The following AGAP1 variants were observed in gnomAD, a reference collection of about 807,000 sequenced individuals.
AGAP1 encodes arf-GAP with GTPase, ANK repeat and PH domain-containing protein 1.
A neutral mutation model predicts 105.3 loss-of-function variants in AGAP1; 29 were observed. That is an observed-to-expected ratio of 0.28 (90% CI 0.21 to 0.38). The LOEUF is 0.38. AGAP1 is among the 10% of genes least tolerant of loss of function. AGAP1 has a pLI of 1.00. For missense variants in AGAP1, 998 were observed against 1,165.1 expected, an observed-to-expected ratio of 0.86 and a Z score of 2.09; for synonymous variants, 509 against 485.9, an observed-to-expected ratio of 1.05 and a Z score of -0.63.
At position 235,689,574 on chromosome 2, in the gene AGAP1, C is replaced by CAG. The variant is rs1273859041; in HGVS notation, c.164-19605_164-19604insAG. On this transcript the variant is annotated intron_variant, in intron 1 of 17. Coordinates refer to ENST00000304032, the MANE Select transcript of AGAP1 (RefSeq NM_001037131.3). This position sits in a 1 kb window ranked among gnomAD's most constrained non-coding sequence, Gnocchi z 4.2. The stretch of plus-strand genomic sequence containing the variant: ...GTCTTAAGTCTGTTTCTCAACTCCC[C>CAG]TCTTGTTTTCATTGTTTCAGGCAAA... Among the ~76,000 whole-genome samples, 389 of 152,334 alleles carry CAG rather than the reference C, an allele frequency of 2.6e-3. 5 individuals are homozygous for CAG. The highest frequency in any genetic ancestry group is 8.7e-3 in the African/African-American group (363 of 41,572).
chr2:235,977,028 G>C lies in AGAP1; in HGVS notation c.1645+8405G>C, dbSNP rs1444935710. Among the ~76,000 whole-genome samples, 6 of 152,292 alleles carry C rather than the reference G, an allele frequency of 3.9e-5. No individual in the cohort carries two copies. The East Asian group carries it at 1.2e-3, about 29-fold the overall frequency. On this transcript the variant is annotated intron_variant, in intron 13 of 17. Coordinates refer to ENST00000304032, the MANE Select transcript of AGAP1 (RefSeq NM_001037131.3). The surrounding 1 kb of genome is among the most constrained non-coding windows in gnomAD (Gnocchi z 5.2). ...GACTACTCACAAGGTCCCTTTCTAA[G>C]ATACAGAAATGTGACGGACCTCAAC... is the stretch of plus-strand genomic sequence containing the variant.
At chr2:235,548,283 T>C (rs1022664063) in intron 1 of AGAP1, among the ~76,000 whole-genome samples, 6 of 152,172 alleles carry the variant, frequency 3.9e-5, no homozygotes, top group Non-Finnish European at 8.8e-5. Context: ...TGCAGGCTGG[T>C]GCTGCTGAAT....
intron 13 of AGAP1, among the ~76,000 whole-genome samples, chr2:236,032,068 C>T (rs756311061): frequency 6.6e-6 from 1 of 152,194 alleles, no homozygotes; most frequent in Admixed American, 6.5e-5. Context: ...ATGCATTTGA[C>T]CATTTGAGTT....
chr2:235,719,584 T>A lies in AGAP1; in HGVS notation c.310+1940T>A, dbSNP rs1951280934. Reference sequence around the variant, plus strand: ...ATTTCATAGTATTGTGTATGGTTTTTAAAAATACATTATTTTTAAGAGTAG... The same window carrying A: ...ATTTCATAGTATTGTGTATGGTTTTAAAAAATACATTATTTTTAAGAGTAG... On this transcript the variant is annotated intron_variant, in intron 3 of 17. Transcript: ENST00000304032. The surrounding 1 kb of genome is among the most constrained non-coding windows in gnomAD (Gnocchi z 4.9). Among the ~76,000 whole-genome samples, 1 of 152,268 alleles carries A rather than the reference T, an allele frequency of 6.6e-6. No homozygotes were observed. The highest frequency in any genetic ancestry group is 2.1e-4 in the South Asian group (1 of 4,828).
At position 236,042,899 on chromosome 2, in the gene AGAP1, C is replaced by T. The variant is rs550976917; in HGVS notation, c.1891+2058C>T. 1.1e-4 allele frequency among the ~76,000 whole-genome samples: 16 copies of T among 152,322 alleles called. No individual in the cohort carries two copies. The East Asian group carries it at 1.2e-3, about 11-fold the overall frequency. ...CAGCCCGGTGCCAAACCCTCCCATG[C>T]GCTGTCTTTTCATTCTGCAACCCTA... On this transcript the variant is annotated intron_variant, in intron 15 of 17. Coordinates refer to ENST00000304032, the MANE Select transcript of AGAP1 (RefSeq NM_001037131.3). The surrounding 1 kb of genome is among the most constrained non-coding windows in gnomAD (Gnocchi z 5.6).
intron 16 of AGAP1, among the ~76,000 whole-genome samples, chr2:236,075,078 G>T (rs2058600868): frequency 6.6e-6 from 1 of 152,036 alleles, no homozygotes; most frequent in Non-Finnish European, 1.5e-5. Context: ...AGACACAAAA[G>T]ATCTATAAGT....
At chr2:235,761,907 C>G (rs1488333904) in intron 6 of AGAP1, among the ~76,000 whole-genome samples, 3 of 151,830 alleles carry the variant, frequency 2.0e-5, no homozygotes, top group South Asian at 2.1e-4. Flanking sequence ...GTCGGGAGTT[C>G]AAGACCAGCC....
rs182856283 is a variant in AGAP1 at position 235,994,951 on chromosome 2, C to T, written c.1645+26328C>T. Among the ~76,000 whole-genome samples, 894 of 148,964 alleles carry T rather than the reference C, an allele frequency of 6.0e-3. 8 individuals are homozygous for T. Among genetic ancestry groups the T allele is most frequent in the South Asian group, 0.014 (65 of 4,706 alleles). On this transcript the variant is annotated intron_variant, in intron 13 of 17. Coordinates refer to ENST00000304032, the MANE Select transcript of AGAP1 (RefSeq NM_001037131.3). This position sits in a 1 kb window ranked among gnomAD's most constrained non-coding sequence, Gnocchi z 4.4. ...GCGTGGTGGTAGGCGCCTGTAATCG[C>T]AGCTACTTGGGAGGCTGAGGCAAGA... is the stretch of plus-strand genomic sequence containing the variant.
rs909064000 is a variant in AGAP1, at chr2:236,002,192, G to A, written c.1645+33569G>A. 6.6e-6 allele frequency among the ~76,000 whole-genome samples: 1 copy of A among 152,186 alleles called. No homozygotes were observed. Among genetic ancestry groups the A allele is most frequent in the Non-Finnish European group, 1.5e-5 (1 of 68,042 alleles). ...ACTGAGTCATTCATTCAGCAGACTC[G>A]TTGAGAACATGTGTGGTAGGCACGT... On this transcript the variant is annotated intron_variant, in intron 13 of 17. Coordinates refer to ENST00000304032, the MANE Select transcript of AGAP1 (RefSeq NM_001037131.3). This position sits in a 1 kb window ranked among gnomAD's most constrained non-coding sequence, Gnocchi z 4.3.
At position 235,899,505 on chromosome 2, in the gene AGAP1, CTG is replaced by C. The variant is rs887392158; in HGVS notation, c.1156-9229_1156-9228del. Among the ~76,000 whole-genome samples the C allele has an allele frequency of 2.7e-4, 41 of 152,300 alleles. 1 individual carries two copies. Among genetic ancestry groups the C allele is most frequent in the African/African-American group, 8.9e-4 (37 of 41,564 alleles). Reference sequence around the variant, plus strand: ...TCCAGCCTGGGCAACAAGAGCGAAACTGTGTCTTAAAAATATATATATACTGT... The same window carrying C: ...TCCAGCCTGGGCAACAAGAGCGAAACTGTCTTAAAAATATATATATACTGT... On this transcript the variant is annotated intron_variant, in intron 10 of 17. Coordinates refer to ENST00000304032, the MANE Select transcript of AGAP1 (RefSeq NM_001037131.3).
At chr2:235,645,234 A>G (rs1003846446) in intron 1 of AGAP1, among the ~76,000 whole-genome samples, 2 of 152,208 alleles carry the variant, frequency 1.3e-5, no homozygotes, top group Non-Finnish European at 2.9e-5. Context: ...TCATTCTGCC[A>G]TATGACAAAC....
At position 235,578,211 on chromosome 2, in the gene AGAP1, A is replaced by G. The variant is rs1944801767; in HGVS notation, c.163+83362A>G. Among the ~76,000 whole-genome samples, 1 of 152,078 alleles carries G rather than the reference A, an allele frequency of 6.6e-6. No individual in the cohort carries two copies. The highest frequency in any genetic ancestry group is 6.5e-5 in the Admixed American group (1 of 15,276). The stretch of plus-strand genomic sequence containing the variant: ...GAGCCCCCCATGTCATGAAACTGCC[A>G]CTGTCAGAGCCAGCCTGAGCTCCAC... On this transcript the variant is annotated intron_variant, in intron 1 of 17. Coordinates refer to ENST00000304032, the MANE Select transcript of AGAP1 (RefSeq NM_001037131.3). This position sits in a 1 kb window ranked among gnomAD's most constrained non-coding sequence, Gnocchi z 4.9.
At chr2:236,007,616 G>T (rs535844285) in intron 13 of AGAP1, among the ~76,000 whole-genome samples, 2 of 151,952 alleles carry the variant, frequency 1.3e-5, no homozygotes, top group Non-Finnish European at 2.9e-5. Context: ...AATTTTTTTG[G>T]AATTTTTGAA....
rs1240574149 is a variant in AGAP1, at chr2:235,614,890, C to T, written c.164-94289C>T. ...CTGAGATGTTTTCTCTACTCAGGGC[C>T]CAATGCCGTATGTGATATTTTACAA... On this transcript the variant is annotated intron_variant, in intron 1 of 17. Transcript: ENST00000304032. This position sits in a 1 kb window ranked among gnomAD's most constrained non-coding sequence, Gnocchi z 4.7. Among the ~76,000 whole-genome samples, 1 of 152,084 alleles carries T rather than the reference C, an allele frequency of 6.6e-6. No individual in the cohort carries two copies. Among genetic ancestry groups the T allele is most frequent in the Non-Finnish European group, 1.5e-5 (1 of 68,022 alleles).
chr2:235,495,756 G>A (rs865797116), intron 1 of AGAP1, among the ~76,000 whole-genome samples: 17 of 152,162 alleles, frequency 1.1e-4, no homozygotes, highest in African/African-American at 3.9e-4. Context: ...TCATCCCTTT[G>A]GTCCGGCCAA....
At chr2:235,628,711 G>A (rs1946722495) in intron 1 of AGAP1, among the ~76,000 whole-genome samples, 1 of 151,952 alleles carries the variant, frequency 6.6e-6, no homozygotes, top group South Asian at 2.1e-4. Context: ...AGATTCTGGT[G>A]CACCCATCAC....
In AGAP1 at chr2:235,737,452, T is replaced by G. The variant is rs1438537044; in HGVS notation, c.311-3511T>G. 6.6e-6 allele frequency among the ~76,000 whole-genome samples: 1 copy of G among 152,166 alleles called. No homozygotes were observed. ...TGCTCCTTTTAGAGGCAATGAAAGTTGGGCCTGGAGTCCTTTGCTTGAGAT... is the reference window on the plus strand; with the variant it reads ...TGCTCCTTTTAGAGGCAATGAAAGTGGGGCCTGGAGTCCTTTGCTTGAGAT... On this transcript the variant is annotated intron_variant, in intron 3 of 17. Transcript: ENST00000304032. The surrounding 1 kb of genome is among the most constrained non-coding windows in gnomAD (Gnocchi z 4.5).
Position 235,577,555 on chromosome 2 carries a change from C to T in AGAP1, c.163+82706C>T, listed in dbSNP as rs1944774560. On this transcript the variant is annotated intron_variant, in intron 1 of 17. Transcript: ENST00000304032. The surrounding 1 kb of genome is among the most constrained non-coding windows in gnomAD (Gnocchi z 4.5). ...TGTGTCCCTGGTCGCTTGCTGGAGTCGGTGGGAGCTGAGAGTCCCTTGCTG... is the reference window on the plus strand; with the variant it reads ...TGTGTCCCTGGTCGCTTGCTGGAGTTGGTGGGAGCTGAGAGTCCCTTGCTG... Among the ~76,000 whole-genome samples, 1 of 152,068 alleles carries T rather than the reference C, an allele frequency of 6.6e-6. No homozygotes were observed. Among genetic ancestry groups the T allele is most frequent in the South Asian group, 2.1e-4 (1 of 4,820 alleles).
At chr2:235,653,983 G>A (rs1455343703) in intron 1 of AGAP1, among the ~76,000 whole-genome samples, 1 of 152,214 alleles carries the variant, frequency 6.6e-6, no homozygotes, top group Non-Finnish European at 1.5e-5. Flanking sequence ...TTAAACCCGG[G>A]AGGCGGAGAT....
Sources: allele counts gnomAD v4.1 joint callset (sites outside exome capture counted in the v4.1 genomes callset), GRCh38; gene constraint gnomAD v4.1.1; non-coding constraint Gnocchi (gnomAD v3.1); transcripts MANE v1.5; gene names NCBI Gene and HGNC (gene_info 2026-07-23, HGNC 2026-07-21).